UBAC2: variants seen among roughly 807,000 people sequenced by gnomAD.
UBAC2 encodes UBA domain containing 2.
A neutral mutation model predicts 44.0 loss-of-function variants in UBAC2; 26 were observed. That is an observed-to-expected ratio of 0.59 (90% CI 0.43 to 0.82). The LOEUF (loss-of-function observed/expected upper bound fraction) is 0.82, where lower values mean the gene tolerates loss of function less well. Among genes scored for constraint, UBAC2 ranks in the 40% least tolerant of loss-of-function variants. The pLI, the probability that UBAC2 is intolerant of heterozygous loss-of-function variation, is 0.00. For missense variants in UBAC2, 329 were observed against 419.4 expected (o/e 0.78, Z 1.88); for synonymous variants, 155 against 154.3 (o/e 1.00, Z -0.04).
intron 4 of UBAC2, among the ~76,000 whole-genome samples, chr13:99,272,651 A>G (rs541313360): frequency 1.3e-5 from 2 of 152,138 alleles, no homozygotes; most frequent in South Asian, 4.1e-4. Flanking sequence ...GTGTCCTTAC[A>G]TGGCTGAGAG....
intron 2 of UBAC2, among the ~76,000 whole-genome samples, chr13:99,242,226 A>G (rs1322137714): frequency 6.6e-6 from 1 of 151,764 alleles, no homozygotes; most frequent in Middle Eastern, 3.4e-3. Flanking sequence ...CATTGTCATC[A>G]TGGCCCGTTC....
chr13:99,337,525 A>G (rs974645980), intron 6 of UBAC2, among the ~76,000 whole-genome samples: 3 of 152,036 alleles, frequency 2.0e-5, no homozygotes, highest in African/African-American at 7.2e-5. Flanking sequence ...TCTAGATGTA[A>G]ATTTCGTTTT....
chr13:99,255,181 A>G, intron 4 of UBAC2: 1 of 1,614,112 alleles, frequency 6.2e-7, no homozygotes, highest in Non-Finnish European at 8.5e-7. Context: ...GATGATCCTT[A>G]TGGACTTCTC....
At chr13:99,355,611 C>A (rs1206543544) in intron 7 of UBAC2, among the ~76,000 whole-genome samples, 1 of 152,236 alleles carries the variant, frequency 6.6e-6, no homozygotes, top group Non-Finnish European at 1.5e-5. Context: ...AAACCAAAAC[C>A]AAACCAAAAC....
At chr13:99,305,978 C>T (rs2044328353) in intron 4 of UBAC2, among the ~76,000 whole-genome samples, 1 of 152,132 alleles carries the variant, frequency 6.6e-6, no homozygotes, top group African/African-American at 2.4e-5. Context: ...TCACTGCAAC[C>T]TCCGCCTCCC....
intron 5 of UBAC2, 76 bp from the exon 6 acceptor site, chr13:99,317,946 T>C (rs1175716203): frequency 1.7e-6 from 2 of 1,173,626 alleles, no homozygotes; most frequent in Non-Finnish European, 2.5e-6. Context: ...GTCATGACTA[T>C]AGTTATGTAA....
chr13:99,348,506 G>A (rs993768735), intron 7 of UBAC2, among the ~76,000 whole-genome samples: 2 of 152,122 alleles, frequency 1.3e-5, no homozygotes, highest in Non-Finnish European at 2.9e-5. Context: ...AATTGCATTC[G>A]CCTGAGATTG....
At chr13:99,315,420 C>G (rs1261359887) in intron 5 of UBAC2, among the ~76,000 whole-genome samples, 2 of 152,148 alleles carry the variant, frequency 1.3e-5, no homozygotes, top group African/African-American at 4.8e-5. Flanking sequence ...TCATGGAAAC[C>G]CTCTGAGCCT....
intron 8 of UBAC2, among the ~76,000 whole-genome samples, chr13:99,381,494 C>T (rs1566531779): frequency 6.6e-6 from 1 of 152,162 alleles, no homozygotes; most frequent in Non-Finnish European, 1.5e-5. Context: ...TTTTCCAAGC[C>T]GTTTAAATAA....
chr13:99,254,483 GT>G (rs1438891828), intron 4 of UBAC2, among the ~76,000 whole-genome samples: 2 of 152,196 alleles, frequency 1.3e-5, no homozygotes, highest in African/African-American at 2.4e-5. Context: ...GGAAGTCAGT[GT>G]TTGGGACATA....
At chr13:99,355,830 C>T (rs756771434) in intron 7 of UBAC2, among the ~76,000 whole-genome samples, 14 of 152,222 alleles carry the variant, frequency 9.2e-5, no homozygotes, top group Non-Finnish European at 1.6e-4. Context: ...AGGGCAGCGG[C>T]GGCACAGACC....
chr13:99,369,613 G>A (rs1594179368), intron 8 of UBAC2, among the ~76,000 whole-genome samples: 1 of 152,174 alleles, frequency 6.6e-6, no homozygotes, highest in Admixed American at 6.5e-5. Flanking sequence ...TATTTTCAAC[G>A]TACAGTGGAT....
At chr13:99,338,039 CTTTTTTTCTTTTTTTTTT>C (rs1257686445) in intron 6 of UBAC2, among the ~76,000 whole-genome samples, 3 of 91,562 alleles carry the variant, frequency 3.3e-5, no homozygotes, top group African/African-American at 5.0e-5. Context: ...AACTTTTTTT[CTTTTTTTCTTTTTTTTTT>C]TTTTTTTTTT....
chr13:99,257,682 A>T (rs1476597964), intron 4 of UBAC2, among the ~76,000 whole-genome samples: 1 of 152,202 alleles, frequency 6.6e-6, no homozygotes, highest in African/African-American at 2.4e-5. Flanking sequence ...TATAGATACC[A>T]TGATTATCTG....
chr13:99,306,401 G>T (rs2044335870), intron 4 of UBAC2, among the ~76,000 whole-genome samples: 1 of 151,662 alleles, frequency 6.6e-6, no homozygotes, highest in African/African-American at 2.4e-5. Flanking sequence ...GGTAACTTGT[G>T]TGTGGGGGGG....
In UBAC2 at chr13:99,310,467, A is replaced by G. The variant is rs149535784; in HGVS notation, c.390-3630A>G. On this transcript the variant is annotated intron_variant, in intron 4 of 8. Transcript: ENST00000403766. ...AGTATGAAAAAGGTCAAACTGAATT[A>G]CTGTTGACAGTATAGAGAACAGATG... 2.9e-3 allele frequency among the ~76,000 whole-genome samples: 443 copies of G among 152,382 alleles called. 3 individuals are homozygous for G. Among genetic ancestry groups the G allele is most frequent in the African/African-American group, 0.01 (418 of 41,588 alleles).
At chr13:99,292,654 A>G (rs2044106800) in intron 4 of UBAC2, among the ~76,000 whole-genome samples, 2 of 151,232 alleles carry the variant, frequency 1.3e-5, no homozygotes, top group Non-Finnish European at 2.9e-5. Flanking sequence ...TTCTATTTTT[A>G]CTATCCTCTC....
At chr13:99,217,696 G>A (rs1205755426) in intron 1 of UBAC2, among the ~76,000 whole-genome samples, 1 of 152,182 alleles carries the variant, frequency 6.6e-6, no homozygotes, top group Non-Finnish European at 1.5e-5. Flanking sequence ...CGTTTCCTTT[G>A]GTCTCTGTGG....
chr13:99,297,019 C>T (rs1277872183), intron 4 of UBAC2, among the ~76,000 whole-genome samples: 2 of 152,104 alleles, frequency 1.3e-5, no homozygotes, highest in East Asian at 1.9e-4. Flanking sequence ...ATATATTTGT[C>T]GTGTATATTT....
Sources: gnomAD v4.1 joint callset for allele counts (sites outside exome capture counted in the v4.1 genomes callset) on GRCh38, gnomAD v4.1.1 for gene constraint, MANE v1.5 for transcripts, NCBI Gene and HGNC (gene_info 2026-07-23, HGNC 2026-07-21) for gene names.